The following TLN1 variants were observed in gnomAD, a reference collection of about 807,000 sequenced individuals.
TLN1 encodes talin 1, also known as talin-1.
TLN1 carries 56 observed loss-of-function variants against 292.3 expected under a neutral mutation model. That is an observed-to-expected ratio of 0.19 (90% CI 0.15 to 0.24). The LOEUF (loss-of-function observed/expected upper bound fraction) is 0.24, where lower values mean the gene tolerates loss of function less well. Among genes scored for constraint, TLN1 ranks in the 10% least tolerant of loss-of-function variants. TLN1 has a pLI of 1.00. For synonymous variants in TLN1, 1,119 were observed against 1,253.7 expected, an observed-to-expected ratio of 0.89 and a Z score of 2.27; for missense variants, 2,433 against 3,248.2, an observed-to-expected ratio of 0.75 and a Z score of 6.10.
rs1397245101 is a variant in TLN1, at chr9:35,706,947, A to G, written c.4956-47T>C. ...CAACACCAAGAACATCCCCTACTGC[A>G]AGGCCAGCCTATCCTTCCCCTGTAT... On this transcript the variant is annotated intron_variant, in intron 37 of 56. Coordinates refer to ENST00000314888, the MANE Select transcript of TLN1 (RefSeq NM_006289.4). This position sits in a 1 kb window ranked among gnomAD's most constrained non-coding sequence, Gnocchi z 4.2. The G allele has an allele frequency of 6.2e-7, 1 of 1,610,422 alleles. No individual in the cohort carries two copies. Among genetic ancestry groups the G allele is most frequent in the Non-Finnish European group, 8.5e-7 (1 of 1,178,336 alleles).
At chr9:35,723,794 T>C in intron 7 of TLN1, 158 bp downstream of exon 7, 3 of 1,072,856 alleles carry the variant, frequency 2.8e-6, no homozygotes, top group Non-Finnish European at 4.1e-6. Flanking sequence ...GAAGAGACAA[T>C]GGATGATGGC....
chr9:35,718,094 AGGAGGTATCTCCT>A (rs1203473886), intron 17 of TLN1, among the ~76,000 whole-genome samples: 1 of 152,194 alleles, frequency 6.6e-6, no homozygotes, highest in African/African-American at 2.4e-5. Flanking sequence ...GAGAGGAGGT[AGGAGGTATCTCCT>A]GGGATCCCTC....
In TLN1 at chr9:35,700,028, G is replaced by T; in HGVS notation, c.6714C>A (p.His2238Gln). 1.9e-6 allele frequency: 3 copies of T among 1,613,650 alleles called. No individual in the cohort carries two copies. The highest frequency in any genetic ancestry group is 1.7e-6 in the Non-Finnish European group (2 of 1,179,692). The change falls in exon 50 of 57, where the codon CAC becomes CAA. Residue 2238 changes from histidine (H) to glutamine (Q), a missense_variant. By Grantham distance (24) the His-to-Gln change is conservative. Coordinates refer to ENST00000314888, the MANE Select transcript of TLN1 (RefSeq NM_006289.4). ...VAPDVRLRAL[H>Q]YGRECANGYL... is the part of the protein sequence containing the mutation. The stretch of plus-strand genomic sequence containing the variant: ...AGCCATTGGCACACTCCCGGCCATA[G>T]TGCAGGGCTCGAAGCCGCACATCAG...
At position 35,704,829 on chromosome 9, in the gene TLN1, G is replaced by A. The variant is rs372995676; in HGVS notation, c.5734-14C>T. ...ATGGGAACCTATCTGTGAGCCAAGGGAAAGACAGATGGATTTTACAAGGGG... is the reference window on the plus strand; with the variant it reads ...ATGGGAACCTATCTGTGAGCCAAGGAAAAGACAGATGGATTTTACAAGGGG... On this transcript the variant is annotated splice_polypyrimidine_tract_variant and intron_variant, in intron 43 of 56. Transcript: ENST00000314888. The surrounding 1 kb of genome is among the most constrained non-coding windows in gnomAD (Gnocchi z 6.9). 134 of 1,609,852 alleles carry A rather than the reference G, an allele frequency of 8.3e-5. No individual in the cohort carries two copies. In the African/African-American group the frequency reaches 1.5e-3, roughly 17 times the overall value.
Position 35,717,291 on chromosome 9 carries a change from G to T in TLN1, c.2313C>A (p.Ala771=). The T allele has an allele frequency of 6.2e-7, 1 of 1,614,164 alleles. No individual in the cohort carries two copies. Among genetic ancestry groups the T allele is most frequent in the Non-Finnish European group, 8.5e-7 (1 of 1,180,044 alleles). ...GQLLRGVGAA[A]TAVTQALNEL... is the part of the protein sequence containing the mutation. ...CATTTAGGGCCTGGGTGACAGCTGT[G>T]GCTGCTGCTCCTACCCCTCGCAACA... The change falls in exon 19 of 57, where the codon GCC becomes GCA. Residue 771 remains alanine (A), a synonymous_variant. Coordinates refer to ENST00000314888, the MANE Select transcript of TLN1 (RefSeq NM_006289.4). This position sits in a 1 kb window ranked among gnomAD's most constrained non-coding sequence, Gnocchi z 4.7.
At position 35,724,773 on chromosome 9, in the gene TLN1, T is replaced by A; in HGVS notation, c.359-49A>T. ...GCTTCCCAGGTACTGCATCCATGCC[T>A]TTTGAGAGAGTTGAGGCTTTCTGGC... On this transcript the variant is annotated intron_variant, in intron 4 of 56. Coordinates refer to ENST00000314888, the MANE Select transcript of TLN1 (RefSeq NM_006289.4). This position sits in a 1 kb window ranked among gnomAD's most constrained non-coding sequence, Gnocchi z 4.7. The A allele has an allele frequency of 6.2e-7, 1 of 1,613,656 alleles. No homozygotes were observed. Among genetic ancestry groups the A allele is most frequent in the African/African-American group, 1.3e-5 (1 of 75,004 alleles).
Position 35,704,794 on chromosome 9 carries a change from G to C in TLN1, c.5755C>G (p.Arg1919Gly). Residue 1919 changes from arginine to glycine, a missense_variant, in exon 44 of 57, where the codon CGG becomes GGG. Arg to Gly is a moderately radical substitution (Grantham distance 125). Around this residue, in one of 7 missense-constraint regions of TLN1, gnomAD observed 1,384 missense variants for 1,699.6 expected, o/e 0.81. Coordinates refer to ENST00000314888, the MANE Select transcript of TLN1 (RefSeq NM_006289.4). This position sits in a 1 kb window ranked among gnomAD's most constrained non-coding sequence, Gnocchi z 6.9. ...NEEIGSHIKH[R>G]VQELGHGCAA... ...CAGCCATGGCCCAGCTCCTGTACCCGGTGTTTGATATGGGAACCTATCTGT... is the reference window on the plus strand; with the variant it reads ...CAGCCATGGCCCAGCTCCTGTACCCCGTGTTTGATATGGGAACCTATCTGT... The C allele has an allele frequency of 6.2e-7, 1 of 1,613,930 alleles. No individual in the cohort carries two copies. Among genetic ancestry groups the C allele is most frequent in the Non-Finnish European group, 8.5e-7 (1 of 1,179,852 alleles).
Position 35,698,230 on chromosome 9 carries a change from G to A in TLN1, c.7372-58C>T. On this transcript the variant is annotated intron_variant, in intron 55 of 56. Coordinates refer to ENST00000314888, the MANE Select transcript of TLN1 (RefSeq NM_006289.4). The surrounding 1 kb of genome is among the most constrained non-coding windows in gnomAD (Gnocchi z 5.3). ...CTCAGGTACGGTCCCAGTTGAGACA[G>A]TACCTCAATTCTCTCATAGAAACAT... is the stretch of plus-strand genomic sequence containing the variant. 6.2e-7 allele frequency: 1 copy of A among 1,610,148 alleles called. No individual in the cohort carries two copies.
intron 25 of TLN1, 110 bp from the exon 26 acceptor site, chr9:35,713,408 G>A: frequency 2.4e-6 from 2 of 825,932 alleles, no homozygotes; most frequent in Non-Finnish European, 1.9e-6. Context: ...TTTGGGCTGG[G>A]TGCGATGGCT....
At chr9:35,703,432 G>T in intron 48 of TLN1, 128 bp downstream of exon 48, 1 of 883,648 alleles carries the variant, frequency 1.1e-6, no homozygotes, top group Non-Finnish European at 1.8e-6. Context: ...CAAAAAAAAA[G>T]TCTGGCGATA....
In TLN1 at chr9:35,719,990, T is replaced by G; in HGVS notation, c.1464+49A>C. The G allele has an allele frequency of 6.3e-7, 1 of 1,583,382 alleles. No individual in the cohort carries two copies. Among genetic ancestry groups the G allele is most frequent in the East Asian group, 2.2e-5 (1 of 44,608 alleles). ...TGCCTAACTCCTGGCTCGGCCCAGC[T>G]GAGGGTGAGAGAAGGGCCCTGGCAC... is the stretch of plus-strand genomic sequence containing the variant. On this transcript the variant is annotated intron_variant, in intron 13 of 56. Coordinates refer to ENST00000314888, the MANE Select transcript of TLN1 (RefSeq NM_006289.4). This position sits in a 1 kb window ranked among gnomAD's most constrained non-coding sequence, Gnocchi z 4.6.
At position 35,706,174 on chromosome 9, in the gene TLN1, C is replaced by T; in HGVS notation, c.5361+22G>A. Reference sequence around the variant, plus strand: ...CTCCAGCCTCCTGCTAGTAACAGCTCCTCCCTCCCAACCCTCAATACCTTT... The same window carrying T: ...CTCCAGCCTCCTGCTAGTAACAGCTTCTCCCTCCCAACCCTCAATACCTTT... On this transcript the variant is annotated intron_variant, in intron 40 of 56. Coordinates refer to ENST00000314888, the MANE Select transcript of TLN1 (RefSeq NM_006289.4). The surrounding 1 kb of genome is among the most constrained non-coding windows in gnomAD (Gnocchi z 4.2). The T allele has an allele frequency of 6.2e-7, 1 of 1,610,588 alleles. No individual in the cohort carries two copies. Among genetic ancestry groups the T allele is most frequent in the Non-Finnish European group, 8.5e-7 (1 of 1,177,918 alleles).
intron 11 of TLN1, 86 bp from the exon 12 acceptor site, chr9:35,720,595 C>A (rs765425708): frequency 2.9e-6 from 4 of 1,366,352 alleles, no homozygotes; most frequent in Admixed American, 3.9e-5. Flanking sequence ...CCATAACCAG[C>A]CATTTTCCAG....
Position 35,717,080 on chromosome 9 carries a change from A to G in TLN1, c.2458+66T>C. 6.6e-7 allele frequency: 1 copy of G among 1,526,350 alleles called. No individual in the cohort carries two copies. The highest frequency in any genetic ancestry group is 8.8e-7 in the Non-Finnish European group (1 of 1,132,548). 94.6% of individuals were successfully genotyped at this position (1,526,350 alleles called of 1,614,324 possible). Reference sequence around the variant, plus strand: ...GTGAAGTGGTTAGGTCCGCAAGGGGATGATGTCCAGTGGGCTTAGGGAACC... The same window carrying G: ...GTGAAGTGGTTAGGTCCGCAAGGGGGTGATGTCCAGTGGGCTTAGGGAACC... On this transcript the variant is annotated intron_variant, in intron 19 of 56. Transcript: ENST00000314888. The surrounding 1 kb of genome is among the most constrained non-coding windows in gnomAD (Gnocchi z 4.7).
chr9:35,703,794 T>G lies in TLN1; in HGVS notation c.6338A>C (p.Gln2113Pro), dbSNP rs748751139. ...GKVGDDPAVWQLKNSAKVMVT... is the reference protein window; with the variant it reads ...GKVGDDPAVWPLKNSAKVMVT... ...TCCAACCTTGGCAGAGTTCTTTAGC[T>G]GCCACACAGCAGGGTCATCTCCAAC... The change falls in exon 47 of 57, where the codon CAG (glutamine) becomes CCG (proline). Residue 2113 changes from glutamine (Q) to proline (P), a missense_variant. By Grantham distance (76) the Gln-to-Pro change is moderately conservative. This residue lies in a region of TLN1 where 1,384 missense variants were observed against 1,699.6 expected (regional missense o/e 0.81). Coordinates refer to ENST00000314888, the MANE Select transcript of TLN1 (RefSeq NM_006289.4). 1 of 1,614,114 alleles carries G rather than the reference T, an allele frequency of 6.2e-7. No individual in the cohort carries two copies. Among genetic ancestry groups the G allele is most frequent in the African/African-American group, 1.3e-5 (1 of 74,940 alleles).
chr9:35,704,937 G>C lies in TLN1; in HGVS notation c.5734-122C>G. 1 of 1,222,046 alleles carries C rather than the reference G, an allele frequency of 8.2e-7. No individual in the cohort carries two copies. 75.7% of individuals were successfully genotyped at this position (1,222,046 alleles called of 1,614,324 possible). ...GCATTGTAGACTAAAGAAGCAGAGA[G>C]AGAAGGTTCCCAGCACAAGGACGTT... On this transcript the variant is annotated intron_variant, in intron 43 of 56. Coordinates refer to ENST00000314888, the MANE Select transcript of TLN1 (RefSeq NM_006289.4). The surrounding 1 kb of genome is among the most constrained non-coding windows in gnomAD (Gnocchi z 6.9).
At chr9:35,721,852 G>A in intron 9 of TLN1, 49 bp from the exon 10 acceptor site, 1 of 1,593,844 alleles carries the variant, frequency 6.3e-7, no homozygotes, top group Non-Finnish European at 8.6e-7. Flanking sequence ...GGTCAAATGA[G>A]AGGTGAATGA....
At position 35,705,346 on chromosome 9, in the gene TLN1, G is replaced by A. The variant is rs181416745; in HGVS notation, c.5733+205C>T. 3.5e-3 allele frequency among the ~76,000 whole-genome samples: 526 copies of A among 152,322 alleles called. 3 individuals are homozygous for A. The highest frequency in any genetic ancestry group is 4.1e-3 in the Non-Finnish European group (277 of 68,022). ...GAAAGGCAGGCCCGGGAAGGCTCCA[G>A]ATTCTGAGCTGTTTCCTTTGTACCT... On this transcript the variant is annotated intron_variant, in intron 43 of 56. Transcript: ENST00000314888.
rs748941469 is a variant in TLN1 at position 35,700,045 on chromosome 9, G to A, written c.6697C>T (p.Arg2233Trp). The A allele has an allele frequency of 9.3e-6, 15 of 1,613,154 alleles. No homozygotes were observed. The highest frequency in any genetic ancestry group is 3.3e-5 in the Admixed American group (2 of 59,908). ...CGGCCATAGTGCAGGGCTCGAAGCC[G>A]CACATCAGGGGCCACTTCTGGGTGG... The part of the protein sequence containing the change: ...AYHPEVAPDV[R>W]LRALHYGREC... The change falls in exon 50 of 57, where the codon CGG becomes TGG. Residue 2233 changes from arginine to tryptophan, a missense_variant. By Grantham distance (101) the Arg-to-Trp change is moderately radical (BLOSUM62 -3). This residue lies in a region of TLN1 where 1,384 missense variants were observed against 1,699.6 expected (regional missense o/e 0.81). Transcript: ENST00000314888.
Sources: allele counts gnomAD v4.1 joint callset (sites outside exome capture counted in the v4.1 genomes callset), GRCh38; gene constraint gnomAD v4.1.1; regional missense constraint gnomAD v4.1.1; non-coding constraint Gnocchi (gnomAD v3.1); transcripts MANE v1.5; gene names NCBI Gene and HGNC (gene_info 2026-07-23, HGNC 2026-07-21).